Variants in GPM6A observed in about 807,000 individuals in gnomAD.
The protein encoded by GPM6A is glycoprotein M6A.
A neutral mutation model predicts 32.1 loss-of-function variants in GPM6A; 7 were observed. That is an observed-to-expected ratio of 0.22 (90% CI 0.12 to 0.41). The LOEUF is 0.41. Ranked by LOEUF, GPM6A falls within the 10% of genes least tolerant of loss-of-function variation. The pLI, the probability that GPM6A is intolerant of heterozygous loss-of-function variation, is 1.00. For missense variants in GPM6A, 235 were observed against 347.2 expected (o/e 0.68, Z 2.57); for synonymous variants, 130 against 123.4 (o/e 1.05, Z -0.35).
chr4:175,919,442 C>G (rs188618416), intron 1 of GPM6A, among the ~76,000 whole-genome samples: 369 of 152,260 alleles, frequency 2.4e-3, no homozygotes, highest in Admixed American at 7.0e-3. Context: ...ATAAACATTT[C>G]TAACTTAAAA....
intron 1 of GPM6A, among the ~76,000 whole-genome samples, chr4:175,746,323 T>C (rs1732102351): frequency 6.6e-6 from 1 of 152,210 alleles, no homozygotes; most frequent in African/African-American, 2.4e-5. Context: ...GGAGTTTTGT[T>C]AATTCTGTAG....
intron 1 of GPM6A, chr4:175,787,615 A>G: frequency 4.5e-6 from 6 of 1,327,082 alleles, no homozygotes; most frequent in Non-Finnish European, 4.8e-6. Context: ...CCAAATCACA[A>G]CCCATGTATC....
intron 1 of GPM6A, among the ~76,000 whole-genome samples, chr4:175,756,222 GGATCCTAAGCATAGGA>G (rs1273060267): frequency 6.6e-6 from 1 of 152,078 alleles, no homozygotes. Context: ...AGCCACTGAA[GGATCCTAAGCATAGGA>G]GGCATATGCT....
chr4:175,877,567 A>G (rs1737124333), intron 1 of GPM6A, among the ~76,000 whole-genome samples: 1 of 152,144 alleles, frequency 6.6e-6, no homozygotes, highest in South Asian at 2.1e-4. Flanking sequence ...GAAGACCCTT[A>G]TGAAACCATC....
chr4:175,909,296 T>G (rs572172116), intron 1 of GPM6A, among the ~76,000 whole-genome samples: 1 of 152,118 alleles, frequency 6.6e-6, no homozygotes, highest in Non-Finnish European at 1.5e-5. Context: ...TCCAAATGTT[T>G]TCAGATCCTT....
At chr4:175,652,360 TAA>T (rs755240866) in intron 3 of GPM6A, among the ~76,000 whole-genome samples, 2 of 152,126 alleles carry the variant, frequency 1.3e-5, no homozygotes, top group South Asian at 2.1e-4. Flanking sequence ...TCAGGAGAAT[TAA>T]AAGTCTGTCA....
At chr4:175,844,014 G>A (rs1047272662) in intron 1 of GPM6A, among the ~76,000 whole-genome samples, 3 of 152,080 alleles carry the variant, frequency 2.0e-5, no homozygotes, top group Admixed American at 2.0e-4. Flanking sequence ...TAAGTCCTTA[G>A]CTACAATTAG....
At chr4:175,743,717 A>G (rs1440808478) in intron 1 of GPM6A, among the ~76,000 whole-genome samples, 1 of 152,086 alleles carries the variant, frequency 6.6e-6, no homozygotes, top group African/African-American at 2.4e-5. Context: ...ACTAAACACT[A>G]GAAAATTCTG....
At chr4:175,939,436 C>T (rs1417218045) in intron 1 of GPM6A, among the ~76,000 whole-genome samples, 1 of 152,192 alleles carries the variant, frequency 6.6e-6, no homozygotes, top group African/African-American at 2.4e-5. Flanking sequence ...AGTACAGCTA[C>T]ATTTAATAGA....
intron 6 of GPM6A, among the ~76,000 whole-genome samples, chr4:175,637,275 T>A (rs71644865): frequency 0.39 from 20,430 of 52,932 alleles, 3,698 homozygotes; most frequent in East Asian, 0.57. Flanking sequence ...TATTATATAT[T>A]ATATATTATA....
At chr4:175,725,106 C>T (rs555364203) in intron 1 of GPM6A, among the ~76,000 whole-genome samples, 5 of 152,172 alleles carry the variant, frequency 3.3e-5, no homozygotes, top group South Asian at 4.1e-4. Context: ...ATGTAAACTC[C>T]GGATTCTCAT....
At chr4:175,649,671 T>G (rs902934358) in intron 4 of GPM6A, among the ~76,000 whole-genome samples, 1 of 152,208 alleles carries the variant, frequency 6.6e-6, no homozygotes, top group Admixed American at 6.6e-5. Flanking sequence ...TGTTTTCCTG[T>G]GGTAACACTT....
At chr4:175,936,015 T>A (rs1017365637) in intron 1 of GPM6A, among the ~76,000 whole-genome samples, 6 of 150,852 alleles carry the variant, frequency 4.0e-5, no homozygotes, top group Admixed American at 2.6e-4. Flanking sequence ...ATAAAAAAAA[T>A]TAAAAAACGG....
At chr4:175,659,728 G>GC (rs1411377800) in intron 3 of GPM6A, among the ~76,000 whole-genome samples, 1 of 152,164 alleles carries the variant, frequency 6.6e-6, no homozygotes, top group Non-Finnish European at 1.5e-5. Flanking sequence ...GAGCTCTTGT[G>GC]CTTAGATGGG....
chr4:175,832,272 G>C (rs959298786), intron 1 of GPM6A, among the ~76,000 whole-genome samples: 1 of 152,054 alleles, frequency 6.6e-6, no homozygotes, highest in Non-Finnish European at 1.5e-5. Flanking sequence ...TTCTAATCTT[G>C]ATTTTTCAAA....
chr4:175,735,180 C>CA (rs891782970), intron 1 of GPM6A, among the ~76,000 whole-genome samples: 2 of 151,986 alleles, frequency 1.3e-5, no homozygotes, highest in African/African-American at 2.4e-5. Context: ...TTTCTTCCGG[C>CA]AAAAAATCTC....
upstream of GPM6A, among the ~76,000 whole-genome samples, chr4:175,814,552 ATTTC>A (rs1183337159): frequency 6.6e-6 from 1 of 152,148 alleles, no homozygotes; most frequent in Non-Finnish European, 1.5e-5. Context: ...AATATTCATG[ATTTC>A]TTTTTCTTCT....
At chr4:175,719,384 G>A (rs918691909) in intron 1 of GPM6A, among the ~76,000 whole-genome samples, 1 of 152,066 alleles carries the variant, frequency 6.6e-6, no homozygotes, top group African/African-American at 2.4e-5. Context: ...ATTTTTAGTA[G>A]AGACGGGGTT....
intron 6 of GPM6A, 67 bp from the exon 7 acceptor site, chr4:175,635,124 C>T (rs1740505709): frequency 4.2e-6 from 5 of 1,196,262 alleles, no homozygotes; most frequent in African/African-American, 1.5e-5. Flanking sequence ...CTTGCTATCT[C>T]GAAAGAAGTC....
Sources: gnomAD v4.1 joint callset for allele counts (sites outside exome capture counted in the v4.1 genomes callset) on GRCh38, gnomAD v4.1.1 for gene constraint, MANE v1.5 for transcripts, NCBI Gene and HGNC (gene_info 2026-07-23, HGNC 2026-07-21) for gene names.